PDE4D: variants seen among roughly 807,000 people sequenced by gnomAD.
PDE4D encodes the protein 3',5'-cyclic-AMP phosphodiesterase 4D.
PDE4D carries 24 observed loss-of-function variants against 87.4 expected under a neutral mutation model. The observed-to-expected ratio is 0.27, with a 90% CI of 0.20 to 0.39. The LOEUF is 0.39. Among genes scored for constraint, PDE4D ranks in the 10% least tolerant of loss-of-function variants. The pLI, the probability that PDE4D is intolerant of heterozygous loss-of-function variation, is 1.00. For missense variants in PDE4D, 714 were observed against 1,041.0 expected, an observed-to-expected ratio of 0.69 and a Z score of 4.32; for synonymous variants, 384 against 383.2, an observed-to-expected ratio of 1.00 and a Z score of -0.02.
At chr5:59,645,033 G>T (rs552088175) in intron 1 of PDE4D, among the ~76,000 whole-genome samples, 23 of 152,280 alleles carry the variant, frequency 1.5e-4, no homozygotes, top group African/African-American at 4.1e-4. Context: ...CATGACATTT[G>T]AATTATTGGC....
rs1024813981 is a variant in PDE4D at position 59,802,050 on chromosome 5, G to GA, written c.455+91117dup. ...AGGTGTTTCTGAAAATAATCTTCCAGAAAAAAAAAGTGGCCCTCTTGAAAC... is the reference window on the plus strand; with the variant it reads ...AGGTGTTTCTGAAAATAATCTTCCAGAAAAAAAAAAGTGGCCCTCTTGAAAC... On this transcript the variant is annotated intron_variant, in intron 1 of 14. Coordinates refer to ENST00000340635, the MANE Select transcript of PDE4D (RefSeq NM_001104631.2). Among the ~76,000 whole-genome samples, 26 of 150,318 alleles carry GA rather than the reference G, an allele frequency of 1.7e-4. No individual in the cohort carries two copies. The South Asian group carries it at 4.4e-3, about 25-fold the overall frequency.
chr5:59,739,477 A>C (rs1047701781), intron 1 of PDE4D, among the ~76,000 whole-genome samples: 8 of 152,198 alleles, frequency 5.3e-5, no homozygotes, highest in Non-Finnish European at 8.8e-5. Flanking sequence ...TGTCTCAATA[A>C]GACACTAATG....
chr5:60,439,936 A>AC (rs1238712844), intron 1 of PDE4D, among the ~76,000 whole-genome samples: 103 of 152,082 alleles, frequency 6.8e-4, no homozygotes, highest in African/African-American at 2.4e-3. Context: ...AACAAAAAAA[A>AC]AAAACCCTAA....
rs575273409 is a variant in PDE4D at position 60,233,562 on chromosome 5, CT to C, written c.-89-47876del. 3.1e-3 allele frequency among the ~76,000 whole-genome samples: 453 copies of C among 144,132 alleles called. 2 individuals are homozygous for C. Among genetic ancestry groups the C allele is most frequent in the African/African-American group, 8.3e-3 (330 of 39,610 alleles). 94.6% of individuals were successfully genotyped at this position (144,132 alleles called of 152,430 possible). ...TGCCATCTACTGTAACTAACATTTC[CT>C]TTTTTTTTTTACAAAGGGAAATTTT... On this transcript the variant is annotated intron_variant, in intron 1 of 16. Transcript: ENST00000502484.
At chr5:59,040,920 T>C (rs1016070042) in intron 5 of PDE4D, among the ~76,000 whole-genome samples, 1 of 152,196 alleles carries the variant, frequency 6.6e-6, no homozygotes, top group African/African-American at 2.4e-5. Flanking sequence ...TATGTGAACT[T>C]TGTAAAAGTT....
At chr5:59,465,865 G>T (rs890659900) in intron 1 of PDE4D, among the ~76,000 whole-genome samples, 1 of 152,172 alleles carries the variant, frequency 6.6e-6, no homozygotes, top group Non-Finnish European at 1.5e-5. Flanking sequence ...TAGGTATTCT[G>T]ATTCCTTTTT....
At chr5:60,515,525 A>G (rs10939850) in intron 1 of PDE4D, among the ~76,000 whole-genome samples, 10,814 of 152,082 alleles carry the variant, frequency 0.071, 523 homozygotes, top group Non-Finnish European at 0.096. Flanking sequence ...AGGAAAGAGC[A>G]TAAGGTAAAG....
chr5:59,666,923 G>C (rs761755256), intron 1 of PDE4D, among the ~76,000 whole-genome samples: 3 of 152,096 alleles, frequency 2.0e-5, no homozygotes, highest in Non-Finnish European at 4.4e-5. Flanking sequence ...ATGGACTGCA[G>C]CACCCTCTTT....
chr5:59,032,586 C>G (rs1355956405), intron 6 of PDE4D, among the ~76,000 whole-genome samples: 3 of 152,202 alleles, frequency 2.0e-5, no homozygotes, highest in Admixed American at 2.0e-4. Context: ...TCAAAAATGA[C>G]AAAGTTTGAG....
Position 60,434,909 on chromosome 5 carries a change from G to C in PDE4D, c.-90+53033C>G, listed in dbSNP as rs144648220. Among the ~76,000 whole-genome samples, 5 of 152,184 alleles carry C rather than the reference G, an allele frequency of 3.3e-5. No homozygotes were observed. The East Asian group carries it at 9.6e-4, about 29-fold the overall frequency. ...CTGATGGAGATACAGAAATGAAAAAGGGAGTTAGAGATTAACTGCTTGGAA... is the reference window on the plus strand; with the variant it reads ...CTGATGGAGATACAGAAATGAAAAACGGAGTTAGAGATTAACTGCTTGGAA... On this transcript the variant is annotated intron_variant, in intron 1 of 16. Coordinates refer to the PDE4D transcript ENST00000502484.
chr5:59,237,383 C>T (rs1196588042), intron 1 of PDE4D, among the ~76,000 whole-genome samples: 2 of 152,056 alleles, frequency 1.3e-5, no homozygotes, highest in Non-Finnish European at 2.9e-5. Flanking sequence ...TCTTTACATC[C>T]ATTATTTTAT....
Position 60,068,688 on chromosome 5 carries a change from C to G in PDE4D, c.43-79971G>C, listed in dbSNP as rs116539591. On this transcript the variant is annotated intron_variant, in intron 2 of 16. Transcript: ENST00000502484. ...AGCTCACTGCAACCTCTGGCACCTC[C>G]CAGGTGCAAGCAATCCTCCTACCTC... is the stretch of plus-strand genomic sequence containing the variant. Among the ~76,000 whole-genome samples, 1,043 of 152,118 alleles carry G rather than the reference C, an allele frequency of 6.9e-3. 11 individuals are homozygous for G. Among genetic ancestry groups the G allele is most frequent in the African/African-American group, 0.024 (998 of 41,496 alleles).
intron 1 of PDE4D, among the ~76,000 whole-genome samples, chr5:59,495,531 G>T (rs1807017836): frequency 6.6e-6 from 1 of 152,186 alleles, no homozygotes; most frequent in Non-Finnish European, 1.5e-5. Context: ...CCCCAACAGA[G>T]AAACGCCAGA....
At chr5:59,488,822 C>T (rs775046055) in intron 1 of PDE4D, among the ~76,000 whole-genome samples, 7 of 151,732 alleles carry the variant, frequency 4.6e-5, no homozygotes, top group African/African-American at 1.5e-4. Context: ...TTAGGATTGG[C>T]GGTTTAGCTG....
At chr5:59,798,293 T>A (rs1766732316) in intron 1 of PDE4D, among the ~76,000 whole-genome samples, 1 of 149,918 alleles carries the variant, frequency 6.7e-6, no homozygotes, top group South Asian at 2.1e-4. Context: ...TGTGTGTGTG[T>A]GTGTTTGTGT....
At chr5:59,244,435 T>C (rs1196848242) in intron 1 of PDE4D, among the ~76,000 whole-genome samples, 1 of 133,062 alleles carries the variant, frequency 7.5e-6, no homozygotes, top group East Asian at 2.0e-4. Flanking sequence ...TTGGAAATAA[T>C]ATATGTATAC....
intron 1 of PDE4D, among the ~76,000 whole-genome samples, chr5:59,576,883 A>G (rs1823257369): frequency 6.6e-6 from 1 of 152,196 alleles, no homozygotes; most frequent in Non-Finnish European, 1.5e-5. Flanking sequence ...CCAAAGGTTT[A>G]AGACTCAAAT....
intron 2 of PDE4D, among the ~76,000 whole-genome samples, chr5:60,063,907 T>C (rs370188112): frequency 1.5e-4 from 23 of 152,128 alleles, no homozygotes; most frequent in African/African-American, 5.3e-4. Context: ...CAGGTCAAAA[T>C]GCATGTTTAC....
chr5:59,963,884 A>C (rs1759738152), intron 3 of PDE4D, among the ~76,000 whole-genome samples: 1 of 152,162 alleles, frequency 6.6e-6, no homozygotes, highest in Non-Finnish European at 1.5e-5. Context: ...GGAACTCCTA[A>C]GACCAGCTCT....
Sources: gnomAD v4.1 joint callset for allele counts (sites outside exome capture counted in the v4.1 genomes callset) on GRCh38, gnomAD v4.1.1 for gene constraint, MANE v1.5 for transcripts, NCBI Gene and HGNC (gene_info 2026-07-23, HGNC 2026-07-21) for gene names.